ZNF717: variants seen among roughly 807,000 people sequenced by gnomAD.
ZNF717 encodes the protein krueppel-like factor X17.
Under a neutral mutation model 13.8 loss-of-function variants are expected in ZNF717, and 9 were observed. The observed-to-expected ratio is 0.65, with a 90% CI of 0.39 to 1.14. The LOEUF is 1.14. Among genes scored for constraint, ZNF717 ranks in the 50% most tolerant of loss-of-function variants. ZNF717 has a pLI of 0.01. For missense variants in ZNF717, 1,040 were observed against 1,080.7 expected (o/e 0.96, Z 0.53); for synonymous variants, 327 against 364.1 (o/e 0.90, Z 1.16).
intron 5 of ZNF717, among the ~76,000 whole-genome samples, chr3:75,713,548 T>G (rs1332697913): frequency 6.6e-6 from 1 of 152,200 alleles, no homozygotes; most frequent in African/African-American, 2.4e-5. Context: ...CAGTATTTTA[T>G]GGGTGAGAAC....
At chr3:75,753,956 C>T (rs570722089) in intron 2 of ZNF717, among the ~76,000 whole-genome samples, 50 of 151,724 alleles carry the variant, frequency 3.3e-4, no homozygotes, top group East Asian at 1.4e-3. Flanking sequence ...ATTCCAGACA[C>T]GGCTACGAGG....
At chr3:75,741,407 T>G in intron 3 of ZNF717, 39 bp from the exon 4 acceptor site, 1 of 1,444,524 alleles carries the variant, frequency 6.9e-7, no homozygotes, top group Non-Finnish European at 9.5e-7. Flanking sequence ...GTCAAACCAC[T>G]AAGTCAAATC....
At chr3:75,710,648 G>T (rs1251869548) in exon 6 of ZNF717, 7 of 152,108 alleles carry the variant, frequency 4.6e-5, no homozygotes, top group African/African-American at 1.7e-4. Context: ...TTGGTTTGGT[G>T]CACTCTTTCT....
intron 2 of ZNF717, among the ~76,000 whole-genome samples, chr3:75,756,671 T>TG (rs201914187): frequency 1.5e-3 from 210 of 139,820 alleles, no homozygotes; most frequent in East Asian, 0.014. Context: ...CTCCTTTTTC[T>TG]TTTTTTTTTT....
chr3:75,725,845 C>T (rs1157656616), downstream of ZNF717, among the ~76,000 whole-genome samples: 1 of 152,216 alleles, frequency 6.6e-6, no homozygotes, highest in Non-Finnish European at 1.5e-5. Flanking sequence ...AACAACAATT[C>T]GAGATTTGGG....
At chr3:75,763,493 T>C (rs1040100052) in intron 2 of ZNF717, among the ~76,000 whole-genome samples, 1 of 152,234 alleles carries the variant, frequency 6.6e-6, no homozygotes, top group African/African-American at 2.4e-5. Context: ...ATCATGTATC[T>C]CATAAGAAGT....
chr3:75,780,316 G>A (rs1343893827), intron 2 of ZNF717, among the ~76,000 whole-genome samples: 6 of 151,986 alleles, frequency 3.9e-5, no homozygotes, highest in African/African-American at 9.7e-5. Flanking sequence ...GTGCTAAACC[G>A]GAAACCTAAA....
chr3:75,733,468 T>C (rs75791036), downstream of ZNF717, among the ~76,000 whole-genome samples: 13,535 of 107,342 alleles, frequency 0.13, no homozygotes, highest in Non-Finnish European at 0.17. Flanking sequence ...ATCTTACCTA[T>C]AGAGAAACAA....
downstream of ZNF717, among the ~76,000 whole-genome samples, chr3:75,734,881 G>A (rs1407124434): frequency 3.7e-5 from 5 of 135,796 alleles, no homozygotes; most frequent in Non-Finnish European, 7.5e-5. Flanking sequence ...GGAGTGCAGT[G>A]GTGCAATCTC....
At chr3:75,754,220 G>T in intron 2 of ZNF717, among the ~76,000 whole-genome samples, 1 of 152,204 alleles carries the variant, frequency 6.6e-6, no homozygotes, top group Non-Finnish European at 1.5e-5. Context: ...GCCACCTAAA[G>T]AGAAGAAGAG....
At chr3:75,718,692 G>T (rs1464089279) in intron 4 of ZNF717, among the ~76,000 whole-genome samples, 1 of 152,058 alleles carries the variant, frequency 6.6e-6, no homozygotes, top group Non-Finnish European at 1.5e-5. Flanking sequence ...TCTCATAAGT[G>T]CATGTAACCT....
chr3:75,726,067 C>G (rs1443949228), downstream of ZNF717, among the ~76,000 whole-genome samples: 1 of 152,356 alleles, frequency 6.6e-6, no homozygotes, highest in East Asian at 1.9e-4. Flanking sequence ...AAGATAGCTA[C>G]TCTTTCATCA....
At chr3:75,751,092 T>C (rs1481896945) in intron 2 of ZNF717, among the ~76,000 whole-genome samples, 12 of 151,922 alleles carry the variant, frequency 7.9e-5, no homozygotes, top group Admixed American at 4.6e-4. Flanking sequence ...CACATAGGAT[T>C]CCAGAAAACT....
intron 5 of ZNF717, chr3:75,711,429 T>C (rs75185653): frequency 6.9e-6 from 1 of 144,944 alleles, no homozygotes; most frequent in African/African-American, 2.6e-5. Context: ...TAATCTTGAT[T>C]AACAGTTTTA....
At chr3:75,723,305 A>G (rs1482927193) in intron 4 of ZNF717, among the ~76,000 whole-genome samples, 4 of 123,210 alleles carry the variant, frequency 3.2e-5, no homozygotes, top group African/African-American at 1.3e-4. Context: ...GCTGGAGTGC[A>G]GTGGTGCAAT....
chr3:75,756,356 T>C (rs939005258), intron 2 of ZNF717, among the ~76,000 whole-genome samples: 71 of 152,334 alleles, frequency 4.7e-4, no homozygotes, highest in African/African-American at 1.7e-3. Context: ...AACCCTACAA[T>C]AGCCTCTATG....
At chr3:75,704,771 C>T (rs1328072290), downstream of ZNF717, among the ~76,000 whole-genome samples, 2 of 152,306 alleles carry the variant, frequency 1.3e-5, no homozygotes, top group Admixed American at 1.3e-4. Flanking sequence ...GAAAGAGGCC[C>T]CAAACAGTTT....
At chr3:75,779,980 A>G (rs1468570158) in intron 2 of ZNF717, among the ~76,000 whole-genome samples, 2 of 150,918 alleles carry the variant, frequency 1.3e-5, no homozygotes, top group Non-Finnish European at 2.9e-5. Flanking sequence ...AACCCAAAAC[A>G]ATGGGAGTGA....
rs1234413430 is a variant in ZNF717, at chr3:75,737,162, T to C, written c.2461A>G (p.Lys821Glu). The change falls in exon 5 of 5, where the codon AAA (lysine) becomes GAA (glutamate). Residue 821 changes from lysine to glutamate, a missense_variant. Lys to Glu is a moderately conservative substitution (Grantham distance 56). This residue lies in a region of ZNF717 where 873 missense variants were observed against 832.8 expected (regional missense o/e 1.05). Coordinates refer to ENST00000652011, the MANE Select transcript of ZNF717 (RefSeq NM_001290208.3). ...EKPFECKECR[K>E]TFSQKSKLFV... is the part of the protein sequence containing the mutation. ...AGTTTTGACTTCTGGGAGAAGGTTT[T>C]CCTACATTCTTTACATTCAAATGGC... 33 of 1,559,162 alleles carry C rather than the reference T, an allele frequency of 2.1e-5. No homozygotes were observed. Among genetic ancestry groups the C allele is most frequent in the Non-Finnish European group, 2.9e-5 (33 of 1,151,744 alleles).
Sources: gnomAD v4.1 joint callset for allele counts (sites outside exome capture counted in the v4.1 genomes callset) on GRCh38, gnomAD v4.1.1 for gene constraint, gnomAD v4.1.1 regional missense constraint, MANE v1.5 for transcripts, NCBI Gene and HGNC (gene_info 2026-07-23, HGNC 2026-07-21) for gene names.